The following C1GALT1 variants were observed in gnomAD, a reference collection of about 807,000 sequenced individuals.
The protein encoded by C1GALT1 is core 1 synthase, glycoprotein-N-acetylgalactosamine 3-beta-galactosyltransferase 1.
C1GALT1 carries 11 observed loss-of-function variants against 31.0 expected under a neutral mutation model. The observed-to-expected ratio is 0.36, with a 90% CI of 0.22 to 0.59. The LOEUF (loss-of-function observed/expected upper bound fraction) is 0.59, where lower values mean the gene tolerates loss of function less well. C1GALT1 is among the 20% of genes least tolerant of loss of function. C1GALT1 has a pLI of 0.79. For synonymous variants in C1GALT1, 175 were observed against 143.6 expected (o/e 1.22, Z -1.56); for missense variants, 424 against 425.2 (o/e 1.00, Z 0.03).
chr7:7,219,814 A>G (rs1429229094), intron 1 of C1GALT1, among the ~76,000 whole-genome samples: 1 of 152,134 alleles, frequency 6.6e-6, no homozygotes, highest in Non-Finnish European at 1.5e-5. Flanking sequence ...AACATTGTCT[A>G]TAAAATTTTG....
At chr7:7,163,601 A>C (rs1282328859) in intron 2 of C1GALT1, among the ~76,000 whole-genome samples, 1 of 152,122 alleles carries the variant, frequency 6.6e-6, no homozygotes, top group Admixed American at 6.6e-5. Context: ...TTAAGCTGAT[A>C]AGCAACTTCA....
At chr7:7,198,772 T>C (rs1781408582) in intron 1 of C1GALT1, among the ~76,000 whole-genome samples, 1 of 152,226 alleles carries the variant, frequency 6.6e-6, no homozygotes, top group South Asian at 2.1e-4. Flanking sequence ...GGAGGGTGTA[T>C]GTGTCCAGGA....
chr7:7,186,937 G>C (rs6967880), intron 1 of C1GALT1, among the ~76,000 whole-genome samples: 23,650 of 152,162 alleles, frequency 0.16, 2,129 homozygotes, highest in East Asian at 0.37. Context: ...TAGGAAGACG[G>C]GAGGGTTTTG....
In C1GALT1 at chr7:7,246,740, T is replaced by C. The variant is rs1359586688; in HGVS notation, c.*3013T>C. On this transcript the variant is annotated 3_prime_UTR_variant, in exon 4 of 4. Coordinates refer to ENST00000436587, the MANE Select transcript of C1GALT1 (RefSeq NM_020156.5). The stretch of plus-strand genomic sequence containing the variant: ...CTGCAGGTGTCTTTCTTATCCTAGT[T>C]TGAGAACCAATACCCAACAACCTAC... 2 of 152,312 alleles carry C rather than the reference T, an allele frequency of 1.3e-5. No individual in the cohort carries two copies. Among genetic ancestry groups the C allele is most frequent in the African/African-American group, 4.8e-5 (2 of 41,426 alleles). The allele number at this position is 152,312 out of a possible 1,614,324, so 9.4% of individuals were successfully genotyped here. A position where few individuals can be genotyped will look rare whatever the true frequency, so the allele number is the denominator to read the frequency against.
chr7:7,176,588 A>C (rs994186828), intron 2 of C1GALT1, among the ~76,000 whole-genome samples: 1 of 152,230 alleles, frequency 6.6e-6, no homozygotes, highest in African/African-American at 2.4e-5. Flanking sequence ...TCCTCAGTGC[A>C]CACGTGACAG....
intron 2 of C1GALT1, among the ~76,000 whole-genome samples, chr7:7,168,676 A>G (rs951705940): frequency 6.6e-6 from 1 of 152,224 alleles, no homozygotes; most frequent in African/African-American, 2.4e-5. Context: ...AAATGAACTA[A>G]AATGTGGTAT....
intron 1 of C1GALT1, among the ~76,000 whole-genome samples, chr7:7,201,319 G>A (rs540699923): frequency 5.9e-5 from 9 of 152,304 alleles, no homozygotes; most frequent in African/African-American, 1.7e-4. Flanking sequence ...GCAGAACAGC[G>A]AATGTTGCAG....
chr7:7,188,663 A>T (rs756321602), intron 1 of C1GALT1, among the ~76,000 whole-genome samples: 1 of 152,170 alleles, frequency 6.6e-6, no homozygotes, highest in Non-Finnish European at 1.5e-5. Context: ...GTTAAATATC[A>T]TATGTATATA....
intron 1 of C1GALT1, among the ~76,000 whole-genome samples, chr7:7,200,150 A>G (rs1020673167): frequency 1.3e-5 from 2 of 152,090 alleles, no homozygotes; most frequent in African/African-American, 4.8e-5. Flanking sequence ...GGTCTTTACA[A>G]TTTGTCATGT....
chr7:7,167,431 A>T (rs1780410371), intron 2 of C1GALT1, among the ~76,000 whole-genome samples: 1 of 152,196 alleles, frequency 6.6e-6, no homozygotes, highest in Admixed American at 6.5e-5. Context: ...CACATTACAC[A>T]TCACATATTT....
chr7:7,196,599 A>G (rs1284877226), intron 1 of C1GALT1, among the ~76,000 whole-genome samples: 1 of 152,216 alleles, frequency 6.6e-6, no homozygotes. Context: ...TGGCTGGGAC[A>G]AATGGTATTT....
At chr7:7,220,202 C>T (rs1238217324) in intron 1 of C1GALT1, among the ~76,000 whole-genome samples, 1 of 152,146 alleles carries the variant, frequency 6.6e-6, no homozygotes, top group Non-Finnish European at 1.5e-5. Context: ...TAGGAATTTA[C>T]ACAACTCTGT....
chr7:7,182,497 G>C (rs977847765), upstream of C1GALT1: 1 of 152,156 alleles, frequency 6.6e-6, no homozygotes, highest in Non-Finnish European at 1.5e-5. Context: ...CGCCCCTCCC[G>C]CTCCGCCCTT....
chr7:7,175,020 C>G (rs1780490783), intron 2 of C1GALT1, among the ~76,000 whole-genome samples: 1 of 151,992 alleles, frequency 6.6e-6, no homozygotes, highest in Admixed American at 6.6e-5. Context: ...TTTCTTGTTT[C>G]TTTGTATGCT....
Position 7,203,092 on chromosome 7 carries a change from G to GTTTTT in C1GALT1, c.-18+20283_-18+20287dup, listed in dbSNP as rs35048292. On this transcript the variant is annotated intron_variant, in intron 1 of 3. Transcript: ENST00000436587. ...TAAATTAATTTATTAGTTCTAACAG[G>GTTTTT]TTTTTTTTTTTTTTTGGAATCTTTA... Among the ~76,000 whole-genome samples the GTTTTT allele has an allele frequency of 3.2e-3, 444 of 137,706 alleles. 13 individuals carry two copies. The East Asian group carries it at 0.062, about 19-fold the overall frequency. 90.3% of individuals were successfully genotyped at this position (137,706 alleles called of 152,430 possible).
intron 2 of C1GALT1, among the ~76,000 whole-genome samples, chr7:7,157,958 G>A (rs1780291392): frequency 6.6e-6 from 1 of 152,144 alleles, no homozygotes; most frequent in East Asian, 1.9e-4. Flanking sequence ...ACCTCAGTCA[G>A]AATGCCTCCT....
intron 2 of C1GALT1, among the ~76,000 whole-genome samples, chr7:7,162,869 A>C (rs1286884358): frequency 6.6e-6 from 1 of 152,188 alleles, no homozygotes. Context: ...ATGGCCAGCG[A>C]TGGTGAGCAT....
intron 1 of C1GALT1, among the ~76,000 whole-genome samples, chr7:7,226,889 TAAC>T (rs1208701308): frequency 1.3e-5 from 2 of 152,170 alleles, no homozygotes; most frequent in East Asian, 1.9e-4. Flanking sequence ...TAAAAGCAGT[TAAC>T]AAAAATTGGT....
intron 2 of C1GALT1, among the ~76,000 whole-genome samples, chr7:7,175,975 G>C (rs1227424795): frequency 6.6e-6 from 1 of 152,116 alleles, no homozygotes; most frequent in Non-Finnish European, 1.5e-5. Flanking sequence ...AAAAGGATAG[G>C]GTTGGGGGGC....
Sources: allele counts gnomAD v4.1 joint callset (sites outside exome capture counted in the v4.1 genomes callset), GRCh38; gene constraint gnomAD v4.1.1; transcripts MANE v1.5; gene names NCBI Gene and HGNC (gene_info 2026-07-23, HGNC 2026-07-21).